Variants in ATP2C2 observed in about 807,000 individuals in gnomAD.
ATP2C2 encodes the protein ATPase secretory pathway Ca2+ transporting 2.
Under a neutral mutation model 110.8 loss-of-function variants are expected in ATP2C2, and 171 were observed. The ratio of observed to expected loss-of-function variants is 1.54; its 90% CI spans 1.36 to 1.75. The LOEUF (loss-of-function observed/expected upper bound fraction) is 1.75, where lower values mean the gene tolerates loss of function less well. Among genes scored for constraint, ATP2C2 ranks in the 40% most tolerant of loss-of-function variants. The pLI is 0.00. For missense variants in ATP2C2, 1,963 were observed against 1,235.0 expected (o/e 1.59, Z -8.84); for synonymous variants, 804 against 508.4 (o/e 1.58, Z -7.82).
chr16:84,419,557 T>C (rs577788103), intron 7 of ATP2C2, among the ~76,000 whole-genome samples: 3 of 152,312 alleles, frequency 2.0e-5, no homozygotes, highest in African/African-American at 7.2e-5. Flanking sequence ...AGGATTAGGA[T>C]GCGGACATCA....
chr16:84,449,581 C>G (rs118147755), intron 17 of ATP2C2, among the ~76,000 whole-genome samples: 1,653 of 152,252 alleles, frequency 0.011, 13 homozygotes, highest in Non-Finnish European at 0.017. Flanking sequence ...TGCCCTGAGC[C>G]TTGACTCTGT....
At chr16:84,441,258 C>A (rs943204864) in intron 14 of ATP2C2, among the ~76,000 whole-genome samples, 1 of 152,064 alleles carries the variant, frequency 6.6e-6, no homozygotes, top group Non-Finnish European at 1.5e-5. Context: ...CGTAGTGAGA[C>A]CCTGTTTCTA....
At chr16:84,387,739 C>G (rs1021919299) in intron 1 of ATP2C2, among the ~76,000 whole-genome samples, 4 of 152,124 alleles carry the variant, frequency 2.6e-5, no homozygotes, top group African/African-American at 4.8e-5. Context: ...CCCTTGAGTG[C>G]GTCTCCCAAG....
At chr16:84,402,225 G>A (rs941232921) in intron 2 of ATP2C2, among the ~76,000 whole-genome samples, 1 of 152,174 alleles carries the variant, frequency 6.6e-6, no homozygotes, top group African/African-American at 2.4e-5. Context: ...TTTAGGTGGA[G>A]TCTTTAGGTT....
At chr16:84,388,625 G>C (rs1029869456) in intron 1 of ATP2C2, among the ~76,000 whole-genome samples, 1 of 152,190 alleles carries the variant, frequency 6.6e-6, no homozygotes, top group South Asian at 2.1e-4. Context: ...TTATTTGGGT[G>C]TGTGTCTCCA....
intron 2 of ATP2C2, among the ~76,000 whole-genome samples, chr16:84,400,220 A>G (rs974860946): frequency 6.6e-6 from 1 of 152,194 alleles, no homozygotes; most frequent in Admixed American, 6.5e-5. Flanking sequence ...TACTCCTGCG[A>G]TAAACATGGG....
intron 12 of ATP2C2, 66 bp from the exon 13 acceptor site, chr16:84,439,361 G>C (rs911707967): frequency 6.2e-6 from 10 of 1,612,440 alleles, no homozygotes; most frequent in African/African-American, 1.3e-5. Flanking sequence ...GGGCAATCCA[G>C]CCTGGGGGTT....
chr16:84,451,765 G>T (rs919569984), intron 17 of ATP2C2, among the ~76,000 whole-genome samples, 156 bp from the exon 18 acceptor site: 2 of 152,150 alleles, frequency 1.3e-5, no homozygotes. Context: ...TTGAACCCAG[G>T]AGGCAGAGGC....
chr16:84,463,571 G>A, intron 26 of ATP2C2, 43 bp from the exon 27 acceptor site: 2 of 1,550,296 alleles, frequency 1.3e-6, no homozygotes, highest in Non-Finnish European at 1.8e-6. Context: ...GCGCAACAGA[G>A]CTGCAGCCCG....
chr16:84,398,464 C>T (rs767419501), intron 1 of ATP2C2, 35 bp from the exon 2 acceptor site: 4 of 1,435,902 alleles, frequency 2.8e-6, no homozygotes, highest in African/African-American at 2.9e-5. Context: ...TACAAAAGTT[C>T]AATCCGCTAA....
chr16:84,455,069 G>GC lies in ATP2C2; in HGVS notation c.2147+85_2147+86insC. The GC allele has an allele frequency of 4.7e-6, 7 of 1,489,270 alleles. No homozygotes were observed. In the East Asian group the frequency reaches 1.2e-4, roughly 26 times the overall value. The allele number at this position is 1,489,270 out of a possible 1,614,324, so 92.3% of individuals were successfully genotyped here. A position where few individuals can be genotyped will look rare whatever the true frequency, so the allele number is the denominator to read the frequency against. ...CCTGGAACCTGCTACTGTGGAGATA[G>GC]AGGGGGGGGTCTCGCGGAGTCCCCA... is the stretch of plus-strand genomic sequence containing the variant. On this transcript the variant is annotated intron_variant, in intron 21 of 26. Transcript: ENST00000262429.
chr16:84,459,172 C>G lies in ATP2C2; in HGVS notation c.2200C>G (p.Arg734Gly), dbSNP rs377760863. 2 of 1,614,026 alleles carry G rather than the reference C, an allele frequency of 1.2e-6. No homozygotes were observed. The highest frequency in any genetic ancestry group is 2.7e-5 in the African/African-American group (2 of 74,916). The change falls in exon 22 of 27, where the codon CGA becomes GGA. Residue 734 changes from arginine (R) to glycine (G), a missense_variant. Transcript: ENST00000262429. The stretch of plus-strand genomic sequence containing the variant: ...TTTTTACAACATCAAAAACTTTGTC[C>G]GATTCCAGCTGAGCACGTAAGTAGA... ...GIFYNIKNFV[R>G]FQLSTSISAL...
At chr16:84,450,465 G>T (rs56361246) in intron 17 of ATP2C2, among the ~76,000 whole-genome samples, 5 of 152,064 alleles carry the variant, frequency 3.3e-5, no homozygotes, top group Admixed American at 6.5e-5. Context: ...AGGAGAGTTG[G>T]GGTGAGGGGA....
intron 1 of ATP2C2, among the ~76,000 whole-genome samples, chr16:84,378,346 A>G (rs1910372507): frequency 6.6e-6 from 1 of 152,084 alleles, no homozygotes; most frequent in African/African-American, 2.4e-5. Flanking sequence ...ACATGGATTT[A>G]GGCAGGTGTA....
chr16:84,398,750 T>A, intron 2 of ATP2C2, 141 bp downstream of exon 2: 1 of 663,914 alleles, frequency 1.5e-6, no homozygotes, highest in Admixed American at 3.2e-5. Flanking sequence ...TTGTTGATGT[T>A]GAATGGTTCA....
At chr16:84,378,447 A>G (rs1260900301) in intron 1 of ATP2C2, among the ~76,000 whole-genome samples, 1 of 152,156 alleles carries the variant, frequency 6.6e-6, no homozygotes, top group East Asian at 1.9e-4. Flanking sequence ...TGACTGCTAG[A>G]TTCCTCCTCT....
At chr16:84,387,102 G>T (rs1471797227) in intron 1 of ATP2C2, among the ~76,000 whole-genome samples, 2 of 151,354 alleles carry the variant, frequency 1.3e-5, no homozygotes, top group African/African-American at 4.9e-5. Flanking sequence ...CACTGAACAA[G>T]CATGCCGCGC....
intron 1 of ATP2C2, among the ~76,000 whole-genome samples, chr16:84,369,713 C>A (rs909424535): frequency 1.3e-5 from 2 of 152,120 alleles, no homozygotes; most frequent in Admixed American, 6.5e-5. Flanking sequence ...CCAAAGAATA[C>A]TAATGGTCAA....
intron 1 of ATP2C2, 149 bp from the exon 2 acceptor site, chr16:84,398,350 G>T (rs143328571): frequency 5.3e-6 from 2 of 380,798 alleles, no homozygotes. Flanking sequence ...AGGTTGTGGT[G>T]AGCTGAGATC....
Sources: allele counts gnomAD v4.1 joint callset (sites outside exome capture counted in the v4.1 genomes callset), GRCh38; gene constraint gnomAD v4.1.1; transcripts MANE v1.5; gene names NCBI Gene and HGNC (gene_info 2026-07-23, HGNC 2026-07-21).